ST6GAL1: variants seen among roughly 807,000 people sequenced by gnomAD.
ST6GAL1 encodes ST6 beta-galactoside alpha-2,6-sialyltransferase 1.
In ST6GAL1, 20 loss-of-function variants were observed where a neutral mutation model predicts 38.0. That is an observed-to-expected ratio of 0.53 (90% CI 0.37 to 0.77). ST6GAL1 has a LOEUF of 0.77. Ranked by LOEUF, ST6GAL1 falls within the 30% of genes least tolerant of loss-of-function variation. The pLI is 0.00. For synonymous variants in ST6GAL1, 196 were observed against 188.2 expected, an observed-to-expected ratio of 1.04 and a Z score of -0.34; for missense variants, 432 against 496.4, an observed-to-expected ratio of 0.87 and a Z score of 1.23.
intron 2 of ST6GAL1, among the ~76,000 whole-genome samples, chr3:187,026,744 G>A (rs1385426182): frequency 5.3e-5 from 8 of 152,080 alleles, no homozygotes; most frequent in African/African-American, 1.9e-4. Context: ...CAGTAGTTAC[G>A]TAAAATACAA....
intron 2 of ST6GAL1, among the ~76,000 whole-genome samples, chr3:187,037,561 A>T (rs1717972167): frequency 6.6e-6 from 1 of 152,036 alleles, no homozygotes; most frequent in African/African-American, 2.4e-5. Context: ...GCTGACAGGT[A>T]TATATTTATA....
chr3:187,056,997 G>T (rs112238129), intron 5 of ST6GAL1, among the ~76,000 whole-genome samples: 1,883 of 152,112 alleles, frequency 0.012, 41 homozygotes, highest in African/African-American at 0.043. Flanking sequence ...GGCTTTGTTT[G>T]TTTCTTTTTA....
intron 2 of ST6GAL1, among the ~76,000 whole-genome samples, chr3:187,027,385 C>T (rs529290338): frequency 6.9e-4 from 105 of 152,258 alleles, no homozygotes; most frequent in African/African-American, 2.5e-3. Flanking sequence ...ATGCAGATTT[C>T]CAACTTCCCC....
intron 2 of ST6GAL1, among the ~76,000 whole-genome samples, chr3:187,011,851 AAATTGCT>A (rs1716964792): frequency 6.6e-6 from 1 of 152,234 alleles, no homozygotes; most frequent in Admixed American, 6.5e-5. Flanking sequence ...GAACTAATTC[AAATTGCT>A]AATGGTATTT....
chr3:187,031,042 G>C (rs1038821462), intron 2 of ST6GAL1, among the ~76,000 whole-genome samples: 1 of 152,174 alleles, frequency 6.6e-6, no homozygotes, highest in South Asian at 2.1e-4. Context: ...ACATTTCCTA[G>C]TTGTGGCCCA....
At chr3:187,048,953 C>T (rs1386353240) in intron 4 of ST6GAL1, among the ~76,000 whole-genome samples, 6 of 142,986 alleles carry the variant, frequency 4.2e-5, no homozygotes, top group African/African-American at 1.6e-4. Flanking sequence ...TGCAGTGGCA[C>T]AATCTCGGCT....
At chr3:187,019,357 A>G (rs1560164589) in intron 2 of ST6GAL1, among the ~76,000 whole-genome samples, 2 of 152,362 alleles carry the variant, frequency 1.3e-5, no homozygotes, top group Non-Finnish European at 2.9e-5. Flanking sequence ...GAGTAGCTCT[A>G]TAGGGTAATG....
Position 187,075,515 on chromosome 3 carries a change from G to C in ST6GAL1, c.980-47G>C. 1.2e-6 allele frequency: 2 copies of C among 1,603,430 alleles called. No homozygotes were observed. The highest frequency in any genetic ancestry group is 1.7e-6 in the Non-Finnish European group (2 of 1,172,764). ...AACCCACTGGGCAGAGCTCTGGGGTGCTGGGGTGGGTTGTCAGGCATGACT... is the reference window on the plus strand; with the variant it reads ...AACCCACTGGGCAGAGCTCTGGGGTCCTGGGGTGGGTTGTCAGGCATGACT... On this transcript the variant is annotated intron_variant, in intron 7 of 7. Coordinates refer to ENST00000169298, the MANE Select transcript of ST6GAL1 (RefSeq NM_173216.2). The surrounding 1 kb of genome is among the most constrained non-coding windows in gnomAD (Gnocchi z 4.1).
intron 2 of ST6GAL1, among the ~76,000 whole-genome samples, chr3:187,005,593 A>G (rs1716762313): frequency 6.6e-6 from 1 of 152,060 alleles, no homozygotes; most frequent in African/African-American, 2.4e-5. Context: ...CCATCTTTCT[A>G]ATGATCTATT....
intron 2 of ST6GAL1, among the ~76,000 whole-genome samples, chr3:187,002,647 G>A (rs2108553701): frequency 6.6e-6 from 1 of 152,270 alleles, no homozygotes; most frequent in South Asian, 2.1e-4. Flanking sequence ...TAGGATTTGG[G>A]GTGAGGAAAG....
chr3:186,984,259 G>A (rs148530679), intron 2 of ST6GAL1, among the ~76,000 whole-genome samples: 1 of 152,196 alleles, frequency 6.6e-6, no homozygotes, highest in East Asian at 1.9e-4. Context: ...TCGCTCACTG[G>A]GACTGCTGCT....
At chr3:186,984,380 G>A (rs1363337355) in intron 2 of ST6GAL1, among the ~76,000 whole-genome samples, 2 of 152,076 alleles carry the variant, frequency 1.3e-5, no homozygotes, top group Admixed American at 1.3e-4. Context: ...TCCTGCAGCA[G>A]CTCCTATTTT....
intron 7 of ST6GAL1, among the ~76,000 whole-genome samples, chr3:187,074,855 C>T (rs1719509073): frequency 6.6e-6 from 1 of 152,136 alleles, no homozygotes; most frequent in Non-Finnish European, 1.5e-5. Flanking sequence ...AATAATATTT[C>T]ACTACAGTAT....
intron 6 of ST6GAL1, chr3:187,073,603 T>C (rs1350134258): frequency 1.3e-5 from 2 of 153,402 alleles, no homozygotes; most frequent in Non-Finnish European, 2.9e-5. Context: ...CAGGCTGCTG[T>C]GGCCTCAGGA....
Position 187,074,193 on chromosome 3 carries a change from A to G in ST6GAL1, c.839A>G (p.Asn280Ser), listed in dbSNP as rs148527071. The change falls in exon 7 of 8, where the codon AAC becomes AGC. Residue 280 changes from asparagine (N) to serine (S), a missense_variant. Asn to Ser is a conservative substitution (Grantham distance 46). Transcript: ENST00000169298. The stretch of plus-strand genomic sequence containing the variant: ...AATCCGGATTATAATTTCTTTAACA[A>G]CTACAAGACTTATCGTAAGCTGCAC... ...YQNPDYNFFNNYKTYRKLHPN... is the reference protein window; with the variant it reads ...YQNPDYNFFNSYKTYRKLHPN... 2.6e-5 allele frequency: 41 copies of G among 1,604,650 alleles called. No homozygotes were observed. The African/African-American group carries it at 3.4e-4, about 13-fold the overall frequency.
rs563526971 is a variant in ST6GAL1, at chr3:187,001,706, T to C, written c.-182-37036T>C. On this transcript the variant is annotated intron_variant, in intron 2 of 7. Transcript: ENST00000169298. ...GGCTCAGTGGCTCACTCCTGTAATC[T>C]CAGCACTTTGGGAGGCCCAGGCGGG... Among the ~76,000 whole-genome samples the C allele has an allele frequency of 5.9e-5, 9 of 152,172 alleles. No homozygotes were observed. In the East Asian group the frequency reaches 1.2e-3, roughly 20 times the overall value.
chr3:187,076,305 C>G lies in ST6GAL1; in HGVS notation c.*502C>G, dbSNP rs867163421. On this transcript the variant is annotated 3_prime_UTR_variant, in exon 8 of 8. Coordinates refer to ENST00000169298, the MANE Select transcript of ST6GAL1 (RefSeq NM_173216.2). Reference sequence around the variant, plus strand: ...TACAGGGGATTGGAAACATGCTCCGCGCCTCCAGAGAAAAGTTGCTCCCGA... The same window carrying G: ...TACAGGGGATTGGAAACATGCTCCGGGCCTCCAGAGAAAAGTTGCTCCCGA... 6.2e-6 allele frequency: 1 copy of G among 160,742 alleles called. No individual in the cohort carries two copies. Among genetic ancestry groups the G allele is most frequent in the African/African-American group, 2.4e-5 (1 of 41,602 alleles). 10.0% of individuals were successfully genotyped at this position (160,742 alleles called of 1,614,324 possible).
At chr3:187,009,773 A>T (rs1053445501) in intron 2 of ST6GAL1, among the ~76,000 whole-genome samples, 2 of 152,194 alleles carry the variant, frequency 1.3e-5, no homozygotes, top group Admixed American at 1.3e-4. Flanking sequence ...TGGTAGGCTG[A>T]GGCGGGTGGA....
At chr3:186,995,793 G>A (rs1442511292) in intron 2 of ST6GAL1, among the ~76,000 whole-genome samples, 1 of 152,124 alleles carries the variant, frequency 6.6e-6, no homozygotes, top group East Asian at 1.9e-4. Context: ...GCAGTGAGCC[G>A]AGATTGTGCC....
Sources: gnomAD v4.1 joint callset for allele counts (sites outside exome capture counted in the v4.1 genomes callset) on GRCh38, gnomAD v4.1.1 for gene constraint, Gnocchi (gnomAD v3.1) non-coding constraint, MANE v1.5 for transcripts, NCBI Gene and HGNC (gene_info 2026-07-23, HGNC 2026-07-21) for gene names.